The following ST6GALNAC5 variants were observed in gnomAD, a reference collection of about 807,000 sequenced individuals.
ST6GALNAC5 encodes alpha-N-acetylgalactosaminide alpha-2,6-sialyltransferase 5.
Under a neutral mutation model 33.6 loss-of-function variants are expected in ST6GALNAC5, and 27 were observed. That is an observed-to-expected ratio of 0.80 (90% CI 0.59 to 1.11). ST6GALNAC5 has a LOEUF of 1.11. Among genes scored for constraint, ST6GALNAC5 ranks in the 50% least tolerant of loss-of-function variants. The pLI, the probability that ST6GALNAC5 is intolerant of heterozygous loss-of-function variation, is 0.00. For synonymous variants in ST6GALNAC5, 194 were observed against 171.2 expected (o/e 1.13, Z -1.04); for missense variants, 428 against 454.0 (o/e 0.94, Z 0.52).
chr1:76,914,975 G>A (rs1388313243), intron 2 of ST6GALNAC5, among the ~76,000 whole-genome samples: 1 of 150,634 alleles, frequency 6.6e-6, no homozygotes, highest in Non-Finnish European at 1.5e-5. Flanking sequence ...AATCTACAAT[G>A]AACTCAAACA....
intron 2 of ST6GALNAC5, among the ~76,000 whole-genome samples, chr1:76,915,981 T>A (rs1646969783): frequency 6.6e-6 from 1 of 150,760 alleles, no homozygotes; most frequent in African/African-American, 2.4e-5. Context: ...TCTACCAAAA[T>A]AAAGGTAACA....
chr1:76,946,375 A>C (rs1400161191), intron 2 of ST6GALNAC5, among the ~76,000 whole-genome samples: 1 of 152,158 alleles, frequency 6.6e-6, no homozygotes, highest in East Asian at 1.9e-4. Flanking sequence ...TGTATTTGAC[A>C]AAGTAGAAAA....
intron 2 of ST6GALNAC5, among the ~76,000 whole-genome samples, chr1:77,034,696 C>T (rs139539732): frequency 1.3e-5 from 2 of 152,272 alleles, no homozygotes; most frequent in Non-Finnish European, 2.9e-5. Context: ...TCCAAATAAG[C>T]AGGCAGGTGG....
At chr1:76,972,723 T>G (rs1648814095) in intron 2 of ST6GALNAC5, among the ~76,000 whole-genome samples, 1 of 152,126 alleles carries the variant, frequency 6.6e-6, no homozygotes, top group African/African-American at 2.4e-5. Flanking sequence ...CAGGTGCATC[T>G]GTCATCTTGA....
intron 2 of ST6GALNAC5, among the ~76,000 whole-genome samples, chr1:76,977,853 C>T (rs536492563): frequency 1.3e-5 from 2 of 152,204 alleles, no homozygotes; most frequent in African/African-American, 4.8e-5. Flanking sequence ...AATGGCATTG[C>T]TGTATCATAT....
intron 2 of ST6GALNAC5, among the ~76,000 whole-genome samples, chr1:76,999,788 A>G (rs1484211579): frequency 7.0e-6 from 1 of 143,322 alleles, no homozygotes; most frequent in South Asian, 2.3e-4. Context: ...ATGATTTCCA[A>G]TTTCATCCAT....
In ST6GALNAC5 at chr1:77,058,008, T is replaced by A. The variant is rs565928618; in HGVS notation, c.780-4967T>A. Among the ~76,000 whole-genome samples, 6 of 152,256 alleles carry A rather than the reference T, an allele frequency of 3.9e-5. No homozygotes were observed. The East Asian group carries it at 1.2e-3, about 29-fold the overall frequency. On this transcript the variant is annotated intron_variant, in intron 4 of 4. Coordinates refer to ENST00000477717, the MANE Select transcript of ST6GALNAC5 (RefSeq NM_030965.3). Reference sequence around the variant, plus strand: ...AGCTCGCAAGCACCACACATGGGGCTCCTCTGTAGCAAGAGCTCGGAGGAA... The same window carrying A: ...AGCTCGCAAGCACCACACATGGGGCACCTCTGTAGCAAGAGCTCGGAGGAA...
intron 2 of ST6GALNAC5, among the ~76,000 whole-genome samples, chr1:77,027,825 C>T (rs74090586): frequency 6.6e-6 from 1 of 152,090 alleles, no homozygotes; most frequent in Non-Finnish European, 1.5e-5. Flanking sequence ...TTATTTAATA[C>T]CAGATATCAT....
At chr1:77,028,784 G>A (rs1372773018) in intron 2 of ST6GALNAC5, among the ~76,000 whole-genome samples, 7 of 152,164 alleles carry the variant, frequency 4.6e-5, no homozygotes, top group African/African-American at 1.7e-4. Flanking sequence ...AGGGAACTAA[G>A]ACACAGGGAA....
intron 2 of ST6GALNAC5, among the ~76,000 whole-genome samples, chr1:76,874,047 A>G (rs79978882): frequency 0.014 from 2,133 of 152,294 alleles, 42 homozygotes; most frequent in African/African-American, 0.049. Flanking sequence ...CAAGGCACTG[A>G]CTCTAAAAAG....
chr1:76,981,647 A>G (rs1348641891), intron 2 of ST6GALNAC5, among the ~76,000 whole-genome samples: 1 of 66,634 alleles, frequency 1.5e-5, no homozygotes, highest in East Asian at 8.7e-4. Context: ...TTCTCCCAGC[A>G]TTGCATTTGA....
At chr1:76,954,905 A>G (rs1380229762) in intron 2 of ST6GALNAC5, among the ~76,000 whole-genome samples, 1 of 152,008 alleles carries the variant, frequency 6.6e-6, no homozygotes, top group East Asian at 1.9e-4. Context: ...AATGGAGAGA[A>G]CTCCAAGAAT....
intron 2 of ST6GALNAC5, among the ~76,000 whole-genome samples, chr1:76,945,729 C>T (rs531804342): frequency 1.4e-4 from 21 of 152,250 alleles, no homozygotes; most frequent in African/African-American, 4.8e-4. Context: ...CCCTCCGGTT[C>T]TCCAGGCTTA....
At chr1:77,009,197 T>C (rs1557759292) in intron 2 of ST6GALNAC5, among the ~76,000 whole-genome samples, 2 of 152,210 alleles carry the variant, frequency 1.3e-5, no homozygotes. Context: ...TGTGTAACTT[T>C]CCACCAGACT....
chr1:76,987,050 G>C (rs1195179929), intron 2 of ST6GALNAC5, among the ~76,000 whole-genome samples: 1 of 152,086 alleles, frequency 6.6e-6, no homozygotes, highest in Admixed American at 6.6e-5. Context: ...GATAGCATTA[G>C]GAGAAATATC....
At chr1:76,943,756 CT>C (rs910132281) in intron 2 of ST6GALNAC5, among the ~76,000 whole-genome samples, 4 of 151,520 alleles carry the variant, frequency 2.6e-5, no homozygotes, top group East Asian at 1.9e-4. Flanking sequence ...TAACTGGAAT[CT>C]TTTTTTTTCC....
Position 77,064,429 on chromosome 1 carries a change from A to G in ST6GALNAC5, c.*1223A>G, listed in dbSNP as rs1399867175. 3 of 152,142 alleles carry G rather than the reference A, an allele frequency of 2.0e-5. No individual in the cohort carries two copies. The highest frequency in any genetic ancestry group is 4.8e-5 in the African/African-American group (2 of 41,408). The allele number at this position is 152,142 out of a possible 1,614,324, so 9.4% of individuals were successfully genotyped here. Reference sequence around the variant, plus strand: ...AAAAACACAGGATACACACACACACACACACACAAAAGACATAGCTCCAAG... The same window carrying G: ...AAAAACACAGGATACACACACACACGCACACACAAAAGACATAGCTCCAAG... On this transcript the variant is annotated 3_prime_UTR_variant, in exon 5 of 5. Transcript: ENST00000477717.
chr1:77,036,835 A>T (rs1651661987), intron 2 of ST6GALNAC5, among the ~76,000 whole-genome samples: 1 of 152,244 alleles, frequency 6.6e-6, no homozygotes, highest in African/African-American at 2.4e-5. Flanking sequence ...AAACGTGTAG[A>T]TGTACAAATA....
In ST6GALNAC5 at chr1:76,868,397, C is replaced by G; in HGVS notation, c.16-100C>G. The G allele has an allele frequency of 2.1e-6, 3 of 1,462,710 alleles. No individual in the cohort carries two copies. Among genetic ancestry groups the G allele is most frequent in the Non-Finnish European group, 2.7e-6 (3 of 1,104,274 alleles). 90.6% of individuals were successfully genotyped at this position (1,462,710 alleles called of 1,614,324 possible). ...CTGGGGCCCAGGCCGCCCCAAATCT[C>G]CCCCACTAGAGTGACCACCGCACAG... On this transcript the variant is annotated intron_variant, in intron 1 of 4. Coordinates refer to ENST00000477717, the MANE Select transcript of ST6GALNAC5 (RefSeq NM_030965.3). This position sits in a 1 kb window ranked among gnomAD's most constrained non-coding sequence, Gnocchi z 4.3.
Sources: allele counts gnomAD v4.1 joint callset (sites outside exome capture counted in the v4.1 genomes callset), GRCh38; gene constraint gnomAD v4.1.1; non-coding constraint Gnocchi (gnomAD v3.1); transcripts MANE v1.5; gene names NCBI Gene and HGNC (gene_info 2026-07-23, HGNC 2026-07-21).